Variants in MRM1 observed in about 807,000 individuals in gnomAD.
The protein encoded by MRM1 is mitochondrial rRNA methyltransferase 1, also known as rRNA methyltransferase 1, mitochondrial.
In MRM1, 24 loss-of-function variants were observed where a neutral mutation model predicts 25.0. The observed-to-expected ratio is 0.96, with a 90% CI of 0.69 to 1.35. The LOEUF is 1.35. MRM1 is among the 40% of genes most tolerant of loss of function. The pLI, the probability that MRM1 is intolerant of heterozygous loss-of-function variation, is 0.00. For synonymous variants in MRM1, 188 were observed against 199.2 expected, an observed-to-expected ratio of 0.94 and a Z score of 0.47; for missense variants, 431 against 464.1, an observed-to-expected ratio of 0.93 and a Z score of 0.65.
At chr17:36,632,140 C>T in the MRM1 span, among the ~76,000 whole-genome samples, 1 of 152,132 alleles carries the variant, frequency 6.6e-6, no homozygotes, top group Non-Finnish European at 1.5e-5. Context: ...CAGCTCCACA[C>T]CTGGCCTGTT....
chr17:36,606,800 G>T (rs913230542), intron 2 of MRM1, among the ~76,000 whole-genome samples: 1 of 151,844 alleles, frequency 6.6e-6, no homozygotes. Flanking sequence ...TAGTAGAGAC[G>T]GAGTTTCACC....
chr17:36,617,713 C>T, the MRM1 span, among the ~76,000 whole-genome samples: 5 of 152,216 alleles, frequency 3.3e-5, no homozygotes, highest in South Asian at 2.1e-4. Context: ...CCTATCTTGC[C>T]TCTTCCTTCT....
At chr17:36,614,431 G>T in the MRM1 span, among the ~76,000 whole-genome samples, 1 of 152,170 alleles carries the variant, frequency 6.6e-6, no homozygotes, top group Non-Finnish European at 1.5e-5. Context: ...GCTGACCAGA[G>T]GTTGTCACTG....
In MRM1 at chr17:36,601,630, G is replaced by A; in HGVS notation, c.-181G>A. On this transcript the variant is annotated 5_prime_UTR_variant, in exon 1 of 5. Coordinates refer to ENST00000614766, the MANE Select transcript of MRM1 (RefSeq NM_024864.5). ...CGTGGGAGCCTGGGAGCGGGTGGTC[G>A]TAGCTCGGTAGTCCAGTTGTGGGTA... The A allele has an allele frequency of 8.5e-6, 5 of 590,194 alleles. No individual in the cohort carries two copies. Among genetic ancestry groups the A allele is most frequent in the Non-Finnish European group, 1.3e-5 (5 of 374,774 alleles). The allele number at this position is 590,194 out of a possible 1,614,324, so 36.6% of individuals were successfully genotyped here.
the MRM1 span, among the ~76,000 whole-genome samples, chr17:36,628,251 G>A: frequency 1.3e-5 from 2 of 152,212 alleles, no homozygotes; most frequent in African/African-American, 4.8e-5. Context: ...GCCTCTCAAA[G>A]TGCTAGGATT....
the MRM1 span, among the ~76,000 whole-genome samples, chr17:36,620,959 G>T: frequency 1.3e-5 from 2 of 152,194 alleles, no homozygotes; most frequent in African/African-American, 4.8e-5. Flanking sequence ...TTAGAATCTG[G>T]TGGACCTTGG....
chr17:36,611,114 C>T (rs180967444), downstream of MRM1, among the ~76,000 whole-genome samples: 327 of 152,282 alleles, frequency 2.1e-3, 4 homozygotes, highest in African/African-American at 6.7e-3. Context: ...CATGCCCAGC[C>T]GATATTTCTT....
the MRM1 span, among the ~76,000 whole-genome samples, chr17:36,622,644 C>T: frequency 1.3e-5 from 2 of 152,108 alleles, no homozygotes; most frequent in Non-Finnish European, 2.9e-5. Flanking sequence ...TCCTTCATCC[C>T]CTAATCTGAA....
In MRM1 at chr17:36,602,335, C is replaced by T; in HGVS notation, c.525C>T (p.Ile175=). The change falls in exon 1 of 5, where the codon ATC becomes ATT. Residue 175 remains isoleucine, a synonymous_variant. Transcript: ENST00000614766. This position sits in a 1 kb window ranked among gnomAD's most constrained non-coding sequence, Gnocchi z 4.1. The stretch of plus-strand genomic sequence containing the variant: ...ACTTCCTCGGAGTGGATAAGGTCAT[C>T]ACCAGCCGGAGAAACAGGCACGGAC... ...SAHFLGVDKV[I]TSRRNSCPLT... 6.4e-7 allele frequency: 1 copy of T among 1,563,210 alleles called. No homozygotes were observed. The highest frequency in any genetic ancestry group is 2.3e-5 in the East Asian group (1 of 44,184).
At chr17:36,616,568 A>T in the MRM1 span, among the ~76,000 whole-genome samples, 8 of 151,960 alleles carry the variant, frequency 5.3e-5, no homozygotes, top group Non-Finnish European at 7.4e-5. Flanking sequence ...GCCGACACAC[A>T]CTCTTAACAA....
In MRM1 at chr17:36,604,767, C is replaced by T. The variant is rs570918770; in HGVS notation, c.636+2121C>T. 3.3e-5 allele frequency among the ~76,000 whole-genome samples: 5 copies of T among 150,472 alleles called. No homozygotes were observed. In the East Asian group the frequency reaches 9.8e-4, roughly 30 times the overall value. On this transcript the variant is annotated intron_variant, in intron 2 of 4. Transcript: ENST00000614766. ...GTGGTAGTGAGCCGAGATTGTGCCA[C>T]TGCACTCCAGCCTGAGTGACAGAGT...
the MRM1 span, among the ~76,000 whole-genome samples, chr17:36,618,754 C>T: frequency 6.6e-6 from 1 of 152,222 alleles, no homozygotes; most frequent in Non-Finnish European, 1.5e-5. Flanking sequence ...GACCAGGTCC[C>T]AGACACTTCA....
In MRM1 at chr17:36,601,919, C is replaced by T; in HGVS notation, c.109C>T (p.Arg37Cys). The stretch of plus-strand genomic sequence containing the variant: ...GCGGCCTGGTGGGGAGGAGCTAAGC[C>T]GCTTGCTGCTGGATGACCTGGTGCC... ...GERPGGEELS[R>C]LLLDDLVPTS... Residue 37 changes from arginine to cysteine, a missense_variant, in exon 1 of 5, where the codon CGC becomes TGC. Physicochemically the swap from Arg to Cys is radical, Grantham distance 180. Coordinates refer to ENST00000614766, the MANE Select transcript of MRM1 (RefSeq NM_024864.5). 1.9e-6 allele frequency: 3 copies of T among 1,612,650 alleles called. No homozygotes were observed. The highest frequency in any genetic ancestry group is 2.5e-6 in the Non-Finnish European group (3 of 1,179,858).
At chr17:36,620,604 C>T in the MRM1 span, among the ~76,000 whole-genome samples, 1 of 152,178 alleles carries the variant, frequency 6.6e-6, no homozygotes, top group African/African-American at 2.4e-5. Context: ...CAGAATATTT[C>T]ACAGGGGCTT....
chr17:36,608,330 C>A lies in MRM1; in HGVS notation c.977C>A (p.Pro326His). The A allele has an allele frequency of 6.2e-7, 1 of 1,611,536 alleles. No homozygotes were observed. Among genetic ancestry groups the A allele is most frequent in the Non-Finnish European group, 8.5e-7 (1 of 1,178,818 alleles). ...CAGCTTCTCCAAGACCCCCAAGAACCCTCAGCCAGGTCTGAAGGGCTCAGC... is the reference window on the plus strand; with the variant it reads ...CAGCTTCTCCAAGACCCCCAAGAACACTCAGCCAGGTCTGAAGGGCTCAGC... ...RRQLLQDPQE[P>H]SARSEGLSMA... The change falls in exon 5 of 5, where the codon CCC (proline) becomes CAC (histidine). Residue 326 changes from proline (P) to histidine (H), a missense_variant. Coordinates refer to ENST00000614766, the MANE Select transcript of MRM1 (RefSeq NM_024864.5).
chr17:36,629,430 G>T, the MRM1 span, among the ~76,000 whole-genome samples: 1 of 152,198 alleles, frequency 6.6e-6, no homozygotes, highest in Non-Finnish European at 1.5e-5. Context: ...GGCAGGCAGG[G>T]GTGCAGTGCC....
At chr17:36,626,266 AT>A in the MRM1 span, among the ~76,000 whole-genome samples, 1 of 152,108 alleles carries the variant, frequency 6.6e-6, no homozygotes, top group Non-Finnish European at 1.5e-5. Context: ...ATCCCTGAAG[AT>A]TTGGGTGAAA....
rs1182588627 is a variant in MRM1, at chr17:36,607,952, C to T, written c.823C>T (p.Leu275Phe). 2.5e-6 allele frequency: 4 copies of T among 1,614,074 alleles called. No individual in the cohort carries two copies. The highest frequency in any genetic ancestry group is 4.5e-5 in the East Asian group (2 of 44,876). Residue 275 changes from leucine (L) to phenylalanine (F), a missense_variant, in exon 4 of 5, where the codon CTC (leucine) becomes TTC (phenylalanine). Transcript: ENST00000614766. Reference protein sequence around the residue: ...QEVQASCQLLLTILPRRQLPP... With the variant: ...QEVQASCQLLFTILPRRQLPP... ...GGTGCAGGCCTCCTGCCAGCTTCTC[C>T]TCACCATCCTGCCCCGGCGCCAGCT...
downstream of MRM1, among the ~76,000 whole-genome samples, chr17:36,611,793 A>G (rs1395370474): frequency 6.6e-6 from 1 of 152,160 alleles, no homozygotes; most frequent in Non-Finnish European, 1.5e-5. Context: ...AATGGAAATG[A>G]TACCATTGGT....
Sources: gnomAD v4.1 joint callset for allele counts (sites outside exome capture counted in the v4.1 genomes callset) on GRCh38, gnomAD v4.1.1 for gene constraint, Gnocchi (gnomAD v3.1) non-coding constraint, MANE v1.5 for transcripts, NCBI Gene and HGNC (gene_info 2026-07-23, HGNC 2026-07-21) for gene names.